The following CSGALNACT1 variants were observed in gnomAD, a reference collection of about 807,000 sequenced individuals.
The protein encoded by CSGALNACT1 is chondroitin sulfate N-acetylgalactosaminyltransferase 1.
In CSGALNACT1, 52 loss-of-function variants were observed where a neutral mutation model predicts 51.0. The observed-to-expected ratio is 1.02, with a 90% confidence interval of 0.82 to 1.29. CSGALNACT1 has a LOEUF of 1.29. Ranked by LOEUF, CSGALNACT1 falls within the 50% of genes most tolerant of loss-of-function variation. The pLI, the probability that CSGALNACT1 is intolerant of heterozygous loss-of-function variation, is 0.00. For missense variants in CSGALNACT1, 935 were observed against 679.2 expected (o/e 1.38, Z -4.19); for synonymous variants, 341 against 254.4 (o/e 1.34, Z -3.24).
Position 19,635,791 on chromosome 8 carries a change from G to T in CSGALNACT1, c.-543-33926C>A, listed in dbSNP as rs557180620. The stretch of plus-strand genomic sequence containing the variant: ...TGCCCAGGCTGGTGTGTAGTGGCGT[G>T]ATCTCCGTTCATTGCAACCTCTGCC... On this transcript the variant is annotated intron_variant, in intron 1 of 9. Transcript: ENST00000332246. Among the ~76,000 whole-genome samples, 3 of 152,256 alleles carry T rather than the reference G, an allele frequency of 2.0e-5. No homozygotes were observed. In the South Asian group the frequency reaches 6.2e-4, roughly 32 times the overall value.
chr8:19,417,891 C>A lies in CSGALNACT1; in HGVS notation c.1227+765G>T, dbSNP rs751054827. On this transcript the variant is annotated intron_variant, in intron 8 of 9. Coordinates refer to ENST00000454498, the Ensembl canonical transcript of CSGALNACT1. The stretch of plus-strand genomic sequence containing the variant: ...CCATGGGGGCCATGCCCAGAAGACA[C>A]AGAGATCCTCTTCTGGCTTGCCTTT... 2.0e-5 allele frequency among the ~76,000 whole-genome samples: 3 copies of A among 152,220 alleles called. No individual in the cohort carries two copies. The East Asian group carries it at 5.8e-4, about 29-fold the overall frequency.
At chr8:19,597,513 C>A (rs1245280296) in intron 2 of CSGALNACT1, among the ~76,000 whole-genome samples, 1 of 151,688 alleles carries the variant, frequency 6.6e-6, no homozygotes, top group Non-Finnish European at 1.5e-5. Flanking sequence ...ACTATGTTTC[C>A]CAGGCTGGCC....
At chr8:19,618,906 AGAG>A (rs924092990) in intron 1 of CSGALNACT1, among the ~76,000 whole-genome samples, 3 of 152,130 alleles carry the variant, frequency 2.0e-5, no homozygotes, top group Non-Finnish European at 2.9e-5. Flanking sequence ...TACCGCTGTA[AGAG>A]AAGAGAAATT....
At chr8:19,449,707 T>C (rs2062753976) in intron 5 of CSGALNACT1, among the ~76,000 whole-genome samples, 1 of 151,992 alleles carries the variant, frequency 6.6e-6, no homozygotes, top group Non-Finnish European at 1.5e-5. Flanking sequence ...AAGACAAAAA[T>C]TACCAGTCAA....
intron 1 of CSGALNACT1, among the ~76,000 whole-genome samples, chr8:19,609,382 T>C (rs1253625377): frequency 1.3e-5 from 2 of 149,238 alleles, no homozygotes; most frequent in Non-Finnish European, 3.0e-5. Flanking sequence ...AAAATATAGA[T>C]GGGAAACACA....
chr8:19,463,476 A>C (rs2065994478), intron 4 of CSGALNACT1, among the ~76,000 whole-genome samples: 1 of 152,166 alleles, frequency 6.6e-6, no homozygotes, highest in African/African-American at 2.4e-5. Flanking sequence ...TTATTGGTGG[A>C]AACACAAAGG....
intron 9 of CSGALNACT1, 94 bp from the exon 9 acceptor site, chr8:19,406,163 CTG>C: frequency 1.4e-6 from 2 of 1,431,838 alleles, no homozygotes; most frequent in African/African-American, 1.4e-5. Flanking sequence ...TAAGACATGA[CTG>C]GGGGGGATGC....
At chr8:19,530,521 C>A (rs547201943) in intron 3 of CSGALNACT1, among the ~76,000 whole-genome samples, 1 of 152,120 alleles carries the variant, frequency 6.6e-6, no homozygotes, top group Non-Finnish European at 1.5e-5. Flanking sequence ...AGAATTCAGT[C>A]GCTAAACTCT....
intron 6 of CSGALNACT1, among the ~76,000 whole-genome samples, chr8:19,421,185 TA>T (rs1408987635): frequency 6.6e-6 from 1 of 152,220 alleles, no homozygotes; most frequent in African/African-American, 2.4e-5. Flanking sequence ...ATAGGTGTAG[TA>T]ACACCTTCCT....
chr8:19,717,371 A>T (rs999953525), intron 1 of CSGALNACT1, among the ~76,000 whole-genome samples: 1 of 152,224 alleles, frequency 6.6e-6, no homozygotes, highest in Admixed American at 6.5e-5. Context: ...ACTGCAGAAA[A>T]TATCTTCTGT....
chr8:19,733,934 C>T lies in CSGALNACT1; in HGVS notation c.-297+23916G>A, dbSNP rs112835909. ...ATGACCAAGCCCAGGAGTGCAAGCCCAAACCATAGAGGAGGCCAGAATGCA... is the reference window on the plus strand; with the variant it reads ...ATGACCAAGCCCAGGAGTGCAAGCCTAAACCATAGAGGAGGCCAGAATGCA... On this transcript the variant is annotated intron_variant, in intron 1 of 1. Transcript: ENST00000517494. Among the ~76,000 whole-genome samples, 1,186 of 152,172 alleles carry T rather than the reference C, an allele frequency of 7.8e-3. 14 individuals carry two copies. The highest frequency in any genetic ancestry group is 0.027 in the African/African-American group (1,117 of 41,514).
intron 1 of CSGALNACT1, among the ~76,000 whole-genome samples, chr8:19,678,230 G>C (rs2060339832): frequency 6.6e-6 from 1 of 152,108 alleles, no homozygotes; most frequent in Admixed American, 6.6e-5. Context: ...TTAACACTCA[G>C]CATACCGGGG....
intron 1 of CSGALNACT1, among the ~76,000 whole-genome samples, chr8:19,688,120 A>G (rs1212683270): frequency 6.6e-6 from 1 of 152,202 alleles, no homozygotes; most frequent in Non-Finnish European, 1.5e-5. Context: ...ACACCCCCAG[A>G]GTGAACAACT....
chr8:19,570,580 G>A (rs1263890317), intron 3 of CSGALNACT1, among the ~76,000 whole-genome samples: 2 of 152,262 alleles, frequency 1.3e-5, no homozygotes, highest in East Asian at 3.9e-4. Context: ...CAGGACAGTG[G>A]CACACGCTGG....
intron 1 of CSGALNACT1, among the ~76,000 whole-genome samples, chr8:19,657,390 T>C (rs1343044687): frequency 6.6e-6 from 1 of 152,146 alleles, no homozygotes; most frequent in Non-Finnish European, 1.5e-5. Flanking sequence ...AGAGGCAAGA[T>C]GTGAAGAAAT....
At chr8:19,658,498 C>A (rs1589316814) in intron 1 of CSGALNACT1, among the ~76,000 whole-genome samples, 4 of 152,140 alleles carry the variant, frequency 2.6e-5, no homozygotes, top group Admixed American at 2.6e-4. Flanking sequence ...CTCTGGCAGG[C>A]CAAGGCAGGT....
At chr8:19,439,832 G>A in exon 6 of CSGALNACT1, 5 of 1,611,298 alleles carry the variant, frequency 3.1e-6, no homozygotes, top group Non-Finnish European at 4.2e-6. Context: ...GTACTCACTT[G>A]GAAGTGTTTT....
At chr8:19,739,372 C>G (rs1185674498) in intron 1 of CSGALNACT1, among the ~76,000 whole-genome samples, 2 of 152,180 alleles carry the variant, frequency 1.3e-5, no homozygotes, top group East Asian at 3.9e-4. Flanking sequence ...AGCCTGTAGG[C>G]TTCTTCTCTC....
At chr8:19,415,020 T>C (rs1191170897) in intron 8 of CSGALNACT1, among the ~76,000 whole-genome samples, 1 of 152,232 alleles carries the variant, frequency 6.6e-6, no homozygotes, top group Non-Finnish European at 1.5e-5. Flanking sequence ...AGTTCTCCTT[T>C]GGAATTTTTG....
Sources: gnomAD v4.1 joint callset for allele counts (sites outside exome capture counted in the v4.1 genomes callset) on GRCh38, gnomAD v4.1.1 for gene constraint, MANE v1.5 for transcripts, NCBI Gene and HGNC (gene_info 2026-07-23, HGNC 2026-07-21) for gene names.